Variants in FBXL17 observed in about 807,000 individuals in gnomAD.
The protein encoded by FBXL17 is F-box/LRR-repeat protein 17.
In FBXL17, 22 loss-of-function variants were observed where a neutral mutation model predicts 66.2. The ratio of observed to expected loss-of-function variants is 0.33; its 90% confidence interval spans 0.24 to 0.47. FBXL17 has a LOEUF of 0.47. Ranked by LOEUF, FBXL17 falls within the 20% of genes least tolerant of loss-of-function variation. The pLI, the probability that FBXL17 is intolerant of heterozygous loss-of-function variation, is 1.00. For missense variants in FBXL17, 878 were observed against 948.2 expected (o/e 0.93, Z 0.97); for synonymous variants, 474 against 400.5 (o/e 1.18, Z -2.19).
intron 4 of FBXL17, among the ~76,000 whole-genome samples, chr5:108,303,279 C>G (rs1351262464): frequency 2.6e-5 from 4 of 151,354 alleles, no homozygotes; most frequent in Admixed American, 2.0e-4. Flanking sequence ...CAAATGTTAA[C>G]TTAATGAGCT....
chr5:107,878,697 G>T, intron 8 of FBXL17: 1 of 985,456 alleles, frequency 1.0e-6, no homozygotes, highest in Non-Finnish European at 1.2e-6. Context: ...AGCTACTTTA[G>T]ATTTCCATCC....
At chr5:108,054,222 C>T (rs546326931) in intron 6 of FBXL17, among the ~76,000 whole-genome samples, 1 of 149,444 alleles carries the variant, frequency 6.7e-6, no homozygotes, top group South Asian at 2.2e-4. Context: ...ACATGTATCC[C>T]GGAACGTAAA....
intron 6 of FBXL17, among the ~76,000 whole-genome samples, chr5:108,110,461 A>C (rs903414454): frequency 1.3e-5 from 2 of 152,204 alleles, no homozygotes; most frequent in South Asian, 4.1e-4. Flanking sequence ...TGTATTCATA[A>C]AGAAAATTGT....
chr5:108,125,168 T>C (rs1022326616), intron 6 of FBXL17, among the ~76,000 whole-genome samples: 35 of 151,928 alleles, frequency 2.3e-4, no homozygotes, highest in Non-Finnish European at 1.5e-5. Context: ...AGCAACATAC[T>C]ATAAAAATAA....
intron 7 of FBXL17, among the ~76,000 whole-genome samples, chr5:107,942,363 C>G (rs1751135181): frequency 6.6e-6 from 1 of 152,108 alleles, no homozygotes; most frequent in Non-Finnish European, 1.5e-5. Flanking sequence ...CGTGTGTGTT[C>G]CTCATCTCTT....
chr5:108,195,412 G>A (rs1037511238), intron 5 of FBXL17, among the ~76,000 whole-genome samples: 6 of 152,092 alleles, frequency 3.9e-5, no homozygotes, highest in Non-Finnish European at 7.4e-5. Flanking sequence ...GATGGAAACT[G>A]TCCCAGCACT....
chr5:108,026,765 A>G (rs936681953), intron 6 of FBXL17, among the ~76,000 whole-genome samples: 1 of 152,218 alleles, frequency 6.6e-6, no homozygotes, highest in African/African-American at 2.4e-5. Flanking sequence ...TGCTACTTAA[A>G]CAATAGCAAA....
intron 7 of FBXL17, among the ~76,000 whole-genome samples, chr5:108,011,199 T>A (rs2112740024): frequency 6.6e-6 from 1 of 152,354 alleles, no homozygotes; most frequent in East Asian, 1.9e-4. Flanking sequence ...CTAACATTAG[T>A]AGGCTAATTA....
chr5:107,986,921 T>C (rs943960958), intron 7 of FBXL17, among the ~76,000 whole-genome samples: 5 of 152,006 alleles, frequency 3.3e-5, no homozygotes, highest in Non-Finnish European at 7.4e-5. Context: ...GTTTATATGG[T>C]TGATCACTTT....
intron 7 of FBXL17, among the ~76,000 whole-genome samples, chr5:107,984,443 C>A (rs1334021947): frequency 1.3e-5 from 2 of 152,126 alleles, no homozygotes; most frequent in Non-Finnish European, 2.9e-5. Flanking sequence ...TGATGAGGTC[C>A]TCAAGGTTAC....
chr5:108,056,041 A>G (rs1747696254), intron 6 of FBXL17, among the ~76,000 whole-genome samples: 1 of 149,350 alleles, frequency 6.7e-6, no homozygotes, highest in Admixed American at 6.7e-5. Context: ...GTAGCTTTCT[A>G]AAACTATTTA....
At chr5:107,997,582 C>T (rs1382706148) in intron 7 of FBXL17, among the ~76,000 whole-genome samples, 4 of 152,164 alleles carry the variant, frequency 2.6e-5, no homozygotes, top group Admixed American at 2.6e-4. Flanking sequence ...TCAAATACTG[C>T]AGGTTTCATT....
intron 4 of FBXL17, among the ~76,000 whole-genome samples, chr5:108,253,044 C>T (rs1257458209): frequency 6.6e-6 from 1 of 152,056 alleles, no homozygotes; most frequent in African/African-American, 2.4e-5. Flanking sequence ...AATAATAAAG[C>T]ACCCTCAGCA....
intron 6 of FBXL17, among the ~76,000 whole-genome samples, chr5:108,029,233 A>G (rs1367590231): frequency 6.6e-6 from 1 of 152,130 alleles, no homozygotes; most frequent in Non-Finnish European, 1.5e-5. Flanking sequence ...ATTTTTTAAA[A>G]GGGAAGGAAT....
chr5:107,941,545 C>T (rs562583875), intron 7 of FBXL17, among the ~76,000 whole-genome samples: 1 of 152,158 alleles, frequency 6.6e-6, no homozygotes, highest in Non-Finnish European at 1.5e-5. Context: ...TTATAGACAC[C>T]TTAGCTCATG....
chr5:108,349,008 G>A (rs1747471871), intron 3 of FBXL17, among the ~76,000 whole-genome samples: 1 of 152,020 alleles, frequency 6.6e-6, no homozygotes, highest in Admixed American at 6.6e-5. Context: ...GTCTCGCTAT[G>A]TTACCCAGAC....
At chr5:107,988,319 G>A (rs1237775544) in intron 7 of FBXL17, among the ~76,000 whole-genome samples, 1 of 151,260 alleles carries the variant, frequency 6.6e-6, no homozygotes, top group Non-Finnish European at 1.5e-5. Flanking sequence ...GATTAATCTG[G>A]GAACTTACTG....
intron 7 of FBXL17, among the ~76,000 whole-genome samples, chr5:107,999,751 G>A (rs1392012463): frequency 6.6e-6 from 1 of 152,118 alleles, no homozygotes; most frequent in Non-Finnish European, 1.5e-5. Context: ...CCAAATATGG[G>A]ACTTTACACA....
chr5:108,316,891 A>G (rs1759390171), intron 4 of FBXL17, among the ~76,000 whole-genome samples: 2 of 151,344 alleles, frequency 1.3e-5, no homozygotes, highest in Non-Finnish European at 1.5e-5. Flanking sequence ...CCAGTTAATT[A>G]CATGAAATAT....
Sources: gnomAD v4.1 joint callset for allele counts (sites outside exome capture counted in the v4.1 genomes callset) on GRCh38, gnomAD v4.1.1 for gene constraint, MANE v1.5 for transcripts, NCBI Gene and HGNC (gene_info 2026-07-23, HGNC 2026-07-21) for gene names.